NTRK2: variants seen among roughly 807,000 people sequenced by gnomAD.
NTRK2 encodes BDNF/NT-3 growth factors receptor.
NTRK2 carries 13 observed loss-of-function variants against 94.5 expected under a neutral mutation model. The observed-to-expected ratio is 0.14, with a 90% CI of 0.09 to 0.22. The LOEUF (loss-of-function observed/expected upper bound fraction) is 0.22. Among genes scored for constraint, NTRK2 ranks in the 10% least tolerant of loss-of-function variants. The pLI, the probability that NTRK2 is intolerant of heterozygous loss-of-function variation, is 1.00. For synonymous variants in NTRK2, 372 were observed against 407.4 expected, an observed-to-expected ratio of 0.91 and a Z score of 1.05; for missense variants, 639 against 1,071.2, an observed-to-expected ratio of 0.60 and a Z score of 5.63.
chr9:84,934,113 C>T (rs1165656761), intron 14 of NTRK2, 49 bp from the exon 15 acceptor site: 1 of 1,611,056 alleles, frequency 6.2e-7, no homozygotes, highest in Non-Finnish European at 8.5e-7. Context: ...CCGCTGCCTT[C>T]ACCTCCACAT....
intron 12 of NTRK2, among the ~76,000 whole-genome samples, chr9:84,760,501 T>C (rs1363539588): frequency 6.6e-6 from 1 of 152,220 alleles, no homozygotes. Flanking sequence ...GTAATTACAA[T>C]GTGTATCTAC....
intron 17 of NTRK2, among the ~76,000 whole-genome samples, chr9:85,010,211 T>C (rs1038617291): frequency 2.0e-5 from 3 of 152,244 alleles, no homozygotes; most frequent in Non-Finnish European, 2.9e-5. Flanking sequence ...AATATTAGCC[T>C]GTCTGAGTAA....
At chr9:84,874,943 CA>C (rs1031307147) in intron 14 of NTRK2, 35 of 1,056,048 alleles carry the variant, frequency 3.3e-5, no homozygotes, top group Middle Eastern at 4.2e-4. Context: ...CTTCCTCACC[CA>C]AAATGCCTTC....
intron 12 of NTRK2, among the ~76,000 whole-genome samples, chr9:84,828,033 T>A (rs2131635574): frequency 6.6e-6 from 1 of 152,314 alleles, no homozygotes; most frequent in South Asian, 2.1e-4. Context: ...CCTTCCAATT[T>A]TCATACCCAT....
chr9:85,026,139 A>AAT lies in NTRK2; in HGVS notation c.*4717_*4718dup, dbSNP rs1554790210. On this transcript the variant is annotated 3_prime_UTR_variant, in exon 19 of 19. Coordinates refer to ENST00000277120, the MANE Select transcript of NTRK2 (RefSeq NM_006180.6). Reference sequence around the variant, plus strand: ...AAACACAAAGCAAAGCAAAAAAAAAAATATATATATATATATCTGTATATG... The same window carrying AAT: ...AAACACAAAGCAAAGCAAAAAAAAAAATATATATATATATATATCTGTATATG... The AAT allele has an allele frequency of 3.9e-4, 77 of 197,388 alleles. No individual in the cohort carries two copies. The highest frequency in any genetic ancestry group is 7.4e-4 in the East Asian group (9 of 12,154). 12.2% of individuals were successfully genotyped at this position (197,388 alleles called of 1,614,324 possible).
Position 84,948,569 on chromosome 9 carries a change from G to A in NTRK2, c.1872G>A (p.Val624=), listed in dbSNP as rs2132884985. 1.2e-6 allele frequency: 2 copies of A among 1,614,090 alleles called. No individual in the cohort carries two copies. Among genetic ancestry groups the A allele is most frequent in the Non-Finnish European group, 1.7e-6 (2 of 1,180,028 alleles). The part of the protein sequence containing the change: ...EHIVKFYGVC[V]EGDPLIMVFE... ...TCGTCAAGTTCTATGGCGTCTGCGT[G>A]GAGGGCGACCCCCTCATCATGGTCT... The change falls in exon 16 of 19, where the codon GTG becomes GTA. Residue 624 remains valine (V), a synonymous_variant. Transcript: ENST00000277120.
At chr9:85,010,456 C>T (rs543653006) in intron 17 of NTRK2, among the ~76,000 whole-genome samples, 21 of 152,160 alleles carry the variant, frequency 1.4e-4, no homozygotes, top group Admixed American at 1.2e-3. Context: ...ATGAAAAGCT[C>T]GGTAACATTG....
chr9:84,776,436 G>T (rs2067053334), intron 12 of NTRK2, among the ~76,000 whole-genome samples: 1 of 152,322 alleles, frequency 6.6e-6, no homozygotes, highest in African/African-American at 2.4e-5. Context: ...TGGCCAGGCT[G>T]GTGTCGAACT....
intron 17 of NTRK2, among the ~76,000 whole-genome samples, chr9:85,006,286 A>G (rs974405409): frequency 6.6e-6 from 1 of 152,142 alleles, no homozygotes; most frequent in South Asian, 2.1e-4. Flanking sequence ...TCTGGCCCTT[A>G]CTATAGTGGT....
intron 2 of NTRK2, among the ~76,000 whole-genome samples, chr9:84,697,751 AGGCTGT>A (rs2060475355): frequency 1.3e-5 from 2 of 152,156 alleles, no homozygotes. Flanking sequence ...TTCCATGCGG[AGGCTGT>A]GGAGCAGGGA....
At chr9:84,731,204 G>A (rs2062867813) in intron 9 of NTRK2, among the ~76,000 whole-genome samples, 1 of 152,192 alleles carries the variant, frequency 6.6e-6, no homozygotes, top group South Asian at 2.1e-4. Context: ...GGAAGCTGAA[G>A]TGGGCAGATC....
chr9:84,814,857 G>A (rs2072217456), intron 12 of NTRK2: 3 of 1,063,330 alleles, frequency 2.8e-6, no homozygotes, highest in Admixed American at 5.4e-5. Context: ...GAGTTGCGCA[G>A]CTTAGCTGAC....
intron 6 of NTRK2, among the ~76,000 whole-genome samples, chr9:84,712,280 T>C (rs757802138): frequency 6.6e-6 from 1 of 152,234 alleles, no homozygotes; most frequent in Admixed American, 6.5e-5. Context: ...ATTCCGGGAA[T>C]GCACCCCGCC....
chr9:84,865,045 T>C (rs767922799), intron 13 of NTRK2, among the ~76,000 whole-genome samples: 2 of 151,978 alleles, frequency 1.3e-5, no homozygotes, highest in Non-Finnish European at 2.9e-5. Context: ...GGCCAACACA[T>C]CTTCATTTTT....
At chr9:85,012,511 A>G (rs1186793697) in intron 17 of NTRK2, among the ~76,000 whole-genome samples, 3 of 152,154 alleles carry the variant, frequency 2.0e-5, no homozygotes, top group African/African-American at 7.2e-5. Context: ...AATATCATGT[A>G]AAAGGAATCA....
intron 6 of NTRK2, among the ~76,000 whole-genome samples, chr9:84,716,573 G>T (rs762531170): frequency 6.6e-6 from 1 of 152,208 alleles, no homozygotes; most frequent in Non-Finnish European, 1.5e-5. Context: ...AGAGTGATAT[G>T]AAACATTATT....
intron 12 of NTRK2, among the ~76,000 whole-genome samples, chr9:84,800,188 C>CTATCA (rs149458682): frequency 0.048 from 7,141 of 148,278 alleles, 202 homozygotes; most frequent in East Asian, 0.14. Flanking sequence ...AGCCGAAGCT[C>CTATCA]TATCAAGATA....
rs549080120 is a variant in NTRK2, at chr9:84,946,550, C to A, written c.1765-1912C>A. 3.9e-5 allele frequency among the ~76,000 whole-genome samples: 6 copies of A among 152,234 alleles called. No homozygotes were observed. The South Asian group carries it at 1.2e-3, about 32-fold the overall frequency. The stretch of plus-strand genomic sequence containing the variant: ...CACCTAGCAGAGTCAACCACTCTGG[C>A]CTGCAGTGCAGAGGGGATGTGACAG... On this transcript the variant is annotated intron_variant, in intron 15 of 18. Coordinates refer to ENST00000277120, the MANE Select transcript of NTRK2 (RefSeq NM_006180.6).
intron 12 of NTRK2, among the ~76,000 whole-genome samples, chr9:84,844,597 A>G (rs1293759626): frequency 6.6e-6 from 1 of 150,704 alleles, no homozygotes; most frequent in Non-Finnish European, 1.5e-5. Flanking sequence ...AGAAGCTATA[A>G]AGTGTTAATC....
Sources: allele counts gnomAD v4.1 joint callset (sites outside exome capture counted in the v4.1 genomes callset), GRCh38; gene constraint gnomAD v4.1.1; transcripts MANE v1.5; gene names NCBI Gene and HGNC (gene_info 2026-07-23, HGNC 2026-07-21).